Variants in PEBP4 observed in about 807,000 individuals in gnomAD.
The protein encoded by PEBP4 is phosphatidylethanolamine binding protein 4, also known as phosphatidylethanolamine-binding protein 4.
PEBP4 carries 22 observed loss-of-function variants against 23.9 expected under a neutral mutation model. That is an observed-to-expected ratio of 0.92 (90% CI 0.66 to 1.31). PEBP4 has a LOEUF of 1.31. Ranked by LOEUF, PEBP4 falls within the 40% of genes most tolerant of loss-of-function variation. The pLI is 0.00. For missense variants in PEBP4, 324 were observed against 281.7 expected (o/e 1.15, Z -1.07); for synonymous variants, 112 against 99.3 (o/e 1.13, Z -0.76).
intron 3 of PEBP4, among the ~76,000 whole-genome samples, chr8:22,917,233 C>G (rs1276162766): frequency 6.6e-6 from 1 of 152,124 alleles, no homozygotes; most frequent in African/African-American, 2.4e-5. Flanking sequence ...GTCACCAACT[C>G]GTGCCCTTCT....
At chr8:22,920,138 A>G in intron 3 of PEBP4, 46 bp downstream of exon 3, 1 of 1,584,222 alleles carries the variant, frequency 6.3e-7, no homozygotes, top group South Asian at 1.1e-5. Context: ...AGGAACATCA[A>G]GACCCCCAAC....
intron 4 of PEBP4, among the ~76,000 whole-genome samples, chr8:22,788,528 C>T (rs546592451): frequency 6.6e-6 from 1 of 152,122 alleles, no homozygotes; most frequent in Non-Finnish European, 1.5e-5. Flanking sequence ...ACCCATACTG[C>T]GAGGAGTACC....
At chr8:22,940,507 G>C (rs1313042834) in intron 1 of PEBP4, among the ~76,000 whole-genome samples, 1 of 16,966 alleles carries the variant, frequency 5.9e-5, no homozygotes, top group Non-Finnish European at 1.1e-4. Context: ...TTTTTTTTTC[G>C]AGACGGAGTC....
At chr8:22,784,378 G>A (rs1485123800) in intron 4 of PEBP4, among the ~76,000 whole-genome samples, 1 of 152,200 alleles carries the variant, frequency 6.6e-6, no homozygotes, top group African/African-American at 2.4e-5. Flanking sequence ...GGAAGGAAGG[G>A]AAGGGACAGA....
intron 3 of PEBP4, among the ~76,000 whole-genome samples, chr8:22,832,254 G>A (rs933673165): frequency 2.6e-5 from 4 of 152,326 alleles, no homozygotes; most frequent in Middle Eastern, 3.4e-3. Flanking sequence ...GTGTTCGGAC[G>A]TGGGGCCTCT....
chr8:22,796,107 G>A (rs1169267280), intron 4 of PEBP4, among the ~76,000 whole-genome samples: 1 of 152,204 alleles, frequency 6.6e-6, no homozygotes, highest in African/African-American at 2.4e-5. Flanking sequence ...ATACTTATGG[G>A]TGGCCTCACA....
chr8:22,882,142 A>T (rs1167961248), intron 3 of PEBP4, among the ~76,000 whole-genome samples: 3 of 152,154 alleles, frequency 2.0e-5, no homozygotes, highest in Non-Finnish European at 4.4e-5. Flanking sequence ...TCCTTTCCCC[A>T]GTTCTTCAGA....
chr8:22,830,764 C>CA (rs1399376689), intron 3 of PEBP4, among the ~76,000 whole-genome samples: 1 of 152,166 alleles, frequency 6.6e-6, no homozygotes, highest in Non-Finnish European at 1.5e-5. Context: ...AAACAGCCCT[C>CA]AAATCCACCC....
intron 4 of PEBP4, among the ~76,000 whole-genome samples, chr8:22,799,385 C>T (rs1307193233): frequency 1.3e-5 from 2 of 152,196 alleles, no homozygotes; most frequent in East Asian, 1.9e-4. Context: ...TGTTATAATG[C>T]TTTTCCTGCT....
intron 4 of PEBP4, among the ~76,000 whole-genome samples, chr8:22,727,866 TC>T (rs1296873530): frequency 1.3e-5 from 2 of 152,098 alleles, no homozygotes; most frequent in East Asian, 3.9e-4. Flanking sequence ...TCTCTTTCCC[TC>T]CCTCCTCCCC....
intron 4 of PEBP4, among the ~76,000 whole-genome samples, chr8:22,802,947 G>A (rs371761187): frequency 6.6e-6 from 1 of 152,190 alleles, no homozygotes; most frequent in African/African-American, 2.4e-5. Context: ...GCAGAGACTA[G>A]AGCAGCGTCA....
At chr8:22,766,762 G>C (rs1805622054) in intron 4 of PEBP4, among the ~76,000 whole-genome samples, 1 of 152,218 alleles carries the variant, frequency 6.6e-6, no homozygotes, top group Admixed American at 6.5e-5. Flanking sequence ...ATGCCCTGGT[G>C]TCACTTTTCT....
chr8:22,780,101 C>T (rs2128755113), intron 4 of PEBP4, among the ~76,000 whole-genome samples: 1 of 152,086 alleles, frequency 6.6e-6, no homozygotes, highest in South Asian at 2.1e-4. Context: ...GGTGCTGGGA[C>T]CACAGGCACG....
intron 4 of PEBP4, among the ~76,000 whole-genome samples, chr8:22,788,686 T>C (rs184354793): frequency 3.0e-4 from 46 of 152,332 alleles, no homozygotes; most frequent in African/African-American, 1.1e-3. Flanking sequence ...AATTCTAAAT[T>C]GATACAAGGA....
intron 4 of PEBP4, among the ~76,000 whole-genome samples, chr8:22,763,115 C>T (rs547267948): frequency 4.3e-4 from 66 of 152,248 alleles, no homozygotes; most frequent in African/African-American, 1.4e-3. Flanking sequence ...AGCGATTCTC[C>T]GACCTCAGCC....
chr8:22,793,071 C>T (rs1036434755), intron 4 of PEBP4, among the ~76,000 whole-genome samples: 1 of 152,138 alleles, frequency 6.6e-6, no homozygotes, highest in Admixed American at 6.5e-5. Context: ...ATAAAAATCA[C>T]TCATAATCGT....
chr8:22,798,233 G>C (rs1563219628), intron 4 of PEBP4, among the ~76,000 whole-genome samples: 1 of 152,100 alleles, frequency 6.6e-6, no homozygotes, highest in Non-Finnish European at 1.5e-5. Context: ...CTGGAGCCTT[G>C]CTAATTCTGG....
intron 3 of PEBP4, among the ~76,000 whole-genome samples, chr8:22,906,330 T>A (rs1410645109): frequency 6.6e-6 from 1 of 152,224 alleles, no homozygotes; most frequent in Non-Finnish European, 1.5e-5. Context: ...TCACTAAGGC[T>A]GCTTGGCCAG....
chr8:22,739,316 A>C (rs1804940172), intron 4 of PEBP4, among the ~76,000 whole-genome samples: 2 of 152,304 alleles, frequency 1.3e-5, no homozygotes, highest in Admixed American at 6.5e-5. Context: ...GATGCAGTTA[A>C]TCCCTAAGAC....
Sources: gnomAD v4.1 joint callset for allele counts (sites outside exome capture counted in the v4.1 genomes callset) on GRCh38, gnomAD v4.1.1 for gene constraint, MANE v1.5 for transcripts, NCBI Gene and HGNC (gene_info 2026-07-23, HGNC 2026-07-21) for gene names.